The following SULT4A1 variants were observed in gnomAD, a reference collection of about 807,000 sequenced individuals.
SULT4A1 encodes sulfotransferase family 4A member 1.
SULT4A1 carries 11 observed loss-of-function variants against 35.2 expected under a neutral mutation model. That is an observed-to-expected ratio of 0.31 (90% CI 0.20 to 0.52). The LOEUF (loss-of-function observed/expected upper bound fraction) is 0.52, where lower values mean the gene tolerates loss of function less well. SULT4A1 is among the 20% of genes least tolerant of loss of function. The pLI is 0.97. For missense variants in SULT4A1, 271 were observed against 383.7 expected (o/e 0.71, Z 2.45); for synonymous variants, 152 against 151.8 (o/e 1.00, Z -0.01).
rs1408673077 is a variant in SULT4A1, at chr22:43,841,900, C to A, written c.202G>T (p.Val68Leu). 1 of 1,613,784 alleles carries A rather than the reference C, an allele frequency of 6.2e-7. No individual in the cohort carries two copies. Among genetic ancestry groups the A allele is most frequent in the Non-Finnish European group, 8.5e-7 (1 of 1,179,788 alleles). Residue 68 changes from valine to leucine, a missense_variant, in exon 2 of 7, where the codon GTG becomes TTG. By Grantham distance (32) the Val-to-Leu change is conservative (BLOSUM62 1). Coordinates refer to ENST00000330884, the MANE Select transcript of SULT4A1 (RefSeq NM_014351.4). ...TSLLQEVVYLVSQGADPDEIG... is the reference protein window; with the variant it reads ...TSLLQEVVYLLSQGADPDEIG... ...TCATCGGGGTCAGCGCCCTGGCTCA[C>A]CAAGTAGACCACCTCCTGCAGCAAG...
intron 1 of SULT4A1, among the ~76,000 whole-genome samples, chr22:43,858,794 G>A (rs926811661): frequency 6.6e-6 from 1 of 151,958 alleles, no homozygotes; most frequent in Non-Finnish European, 1.5e-5. Flanking sequence ...CCAGCCCTTT[G>A]TCCTCCCTAG....
chr22:43,828,998 C>CAGAGA, intron 6 of SULT4A1, 62 bp downstream of exon 6: 1 of 1,462,512 alleles, frequency 6.8e-7, no homozygotes, highest in Non-Finnish European at 9.1e-7. Context: ...CCTAAGCAGG[C>CAGAGA]AGAGAAAGCA....
chr22:43,858,748 T>C (rs545805860), intron 1 of SULT4A1, among the ~76,000 whole-genome samples: 1 of 132,292 alleles, frequency 7.6e-6, no homozygotes, highest in South Asian at 2.5e-4. Flanking sequence ...TGTGGGTGGT[T>C]TCTCTCCAGG....
chr22:43,861,190 A>T (rs1189495907), intron 1 of SULT4A1, among the ~76,000 whole-genome samples: 1 of 152,174 alleles, frequency 6.6e-6, no homozygotes, highest in Non-Finnish European at 1.5e-5. Flanking sequence ...TCCTCAGAAG[A>T]ATGTCAGAGA....
chr22:43,826,039 T>A lies in SULT4A1; in HGVS notation c.817A>T (p.Met273Leu). 1 of 1,614,198 alleles carries A rather than the reference T, an allele frequency of 6.2e-7. No individual in the cohort carries two copies. The highest frequency in any genetic ancestry group is 8.5e-7 in the Non-Finnish European group (1 of 1,180,034). Residue 273 changes from methionine to leucine, a missense_variant, in exon 7 of 7, where the codon ATG becomes TTG. Transcript: ENST00000330884. ...EKFDLVYKQK[M>L]GKCDLTFDFY... ...TCAAACGTGAGGTCACACTTTCCCA[T>A]CTTCTGTTTATACACCAAGTCAAAC...
At chr22:43,857,190 G>A (rs138299347) in intron 1 of SULT4A1, among the ~76,000 whole-genome samples, 1 of 152,140 alleles carries the variant, frequency 6.6e-6, no homozygotes, top group African/African-American at 2.4e-5. Context: ...GCAGAAGAAA[G>A]GAGCAGTTAG....
chr22:43,840,059 G>T, intron 2 of SULT4A1, 34 bp from the exon 3 acceptor site: 1 of 1,540,116 alleles, frequency 6.5e-7, no homozygotes, highest in Non-Finnish European at 8.8e-7. Flanking sequence ...CAGGTCAGAG[G>T]AAAGGGTGAG....
chr22:43,852,018 T>A (rs1340630334), intron 1 of SULT4A1, among the ~76,000 whole-genome samples: 1 of 152,156 alleles, frequency 6.6e-6, no homozygotes, highest in Non-Finnish European at 1.5e-5. Flanking sequence ...TTCAGAGCTT[T>A]CTATCCCTTT....
intron 1 of SULT4A1, among the ~76,000 whole-genome samples, chr22:43,851,434 C>G (rs552270973): frequency 2.0e-5 from 3 of 152,260 alleles, no homozygotes; most frequent in South Asian, 2.1e-4. Context: ...GTTGGAGACT[C>G]GCTACCTGGT....
intron 5 of SULT4A1, among the ~76,000 whole-genome samples, chr22:43,829,520 T>C (rs1827124859): frequency 6.6e-6 from 1 of 152,236 alleles, no homozygotes; most frequent in South Asian, 2.1e-4. Flanking sequence ...ACATGGTTCT[T>C]GTGAGGAGCA....
At chr22:43,845,743 TG>T (rs1403846576) in intron 1 of SULT4A1, among the ~76,000 whole-genome samples, 1 of 152,162 alleles carries the variant, frequency 6.6e-6, no homozygotes, top group African/African-American at 2.4e-5. Context: ...GCCTGAGCTC[TG>T]CCTCCTGTCA....
In SULT4A1 at chr22:43,839,106, G is replaced by C. The variant is rs138759263; in HGVS notation, c.382-113C>G. The C allele has an allele frequency of 2.1e-4, 289 of 1,409,280 alleles. 1 individual carries two copies. The African/African-American group carries it at 3.9e-3, about 19-fold the overall frequency. The allele number at this position is 1,409,280 out of a possible 1,614,324, so 87.3% of individuals were successfully genotyped here. A position where few individuals can be genotyped will look rare whatever the true frequency, so the allele number is the denominator to read the frequency against. On this transcript the variant is annotated intron_variant, in intron 3 of 6. Coordinates refer to ENST00000330884, the MANE Select transcript of SULT4A1 (RefSeq NM_014351.4). ...TGGTGCACCTCACAAACCAACACCT[G>C]CTTCCAGCGTCCAGCTGGGGCCCAT... is the stretch of plus-strand genomic sequence containing the variant.
At chr22:43,838,014 C>G (rs909993555) in intron 4 of SULT4A1, among the ~76,000 whole-genome samples, 1 of 152,214 alleles carries the variant, frequency 6.6e-6, no homozygotes, top group South Asian at 2.1e-4. Context: ...TGACACATTT[C>G]AAAGCTCCTC....
At chr22:43,829,858 A>T (rs1014526408) in intron 5 of SULT4A1, among the ~76,000 whole-genome samples, 3 of 151,596 alleles carry the variant, frequency 2.0e-5, no homozygotes, top group Non-Finnish European at 4.4e-5. Flanking sequence ...CCTTGGTCCC[A>T]TTAGGAAGAT....
intron 4 of SULT4A1, 146 bp from the exon 5 acceptor site, chr22:43,833,880 G>C: frequency 1.5e-6 from 1 of 683,838 alleles, no homozygotes. Flanking sequence ...TCTGGCAAAG[G>C]CCCCCGAGGC....
chr22:43,834,155 T>C (rs925041611), intron 4 of SULT4A1, among the ~76,000 whole-genome samples: 1 of 152,138 alleles, frequency 6.6e-6, no homozygotes, highest in Non-Finnish European at 1.5e-5. Flanking sequence ...CACGGGGCCC[T>C]GCTGGGCAAG....
In SULT4A1 at chr22:43,824,682, G is replaced by C. The variant is rs776916802; in HGVS notation, c.*1319C>G. On this transcript the variant is annotated 3_prime_UTR_variant, in exon 7 of 7. Coordinates refer to ENST00000330884, the MANE Select transcript of SULT4A1 (RefSeq NM_014351.4). ...TGCCGAGCCCACCATGCGATGCCAC[G>C]TGCCACCTGCCTGGCCACGCTTCTC... 1 of 152,218 alleles carries C rather than the reference G, an allele frequency of 6.6e-6. No homozygotes were observed. Among genetic ancestry groups the C allele is most frequent in the Non-Finnish European group, 1.5e-5 (1 of 68,010 alleles). The allele number at this position is 152,218 out of a possible 1,614,324, so 9.4% of individuals were successfully genotyped here. A position where few individuals can be genotyped will look rare whatever the true frequency, so the allele number is the denominator to read the frequency against.
At chr22:43,827,615 G>C (rs765333745) in intron 6 of SULT4A1, 1 of 1,366,448 alleles carries the variant, frequency 7.3e-7, no homozygotes, top group Non-Finnish European at 9.8e-7. Context: ...AACTCAAGAA[G>C]ATCTTCCGAG....
intron 1 of SULT4A1, among the ~76,000 whole-genome samples, 191 bp from the exon 2 acceptor site, chr22:43,842,123 G>C (rs1274193444): frequency 6.6e-6 from 1 of 152,222 alleles, no homozygotes; most frequent in Non-Finnish European, 1.5e-5. Flanking sequence ...TCATGGGCCA[G>C]TCGGCTCTGA....
Sources: allele counts gnomAD v4.1 joint callset (sites outside exome capture counted in the v4.1 genomes callset), GRCh38; gene constraint gnomAD v4.1.1; transcripts MANE v1.5; gene names NCBI Gene and HGNC (gene_info 2026-07-23, HGNC 2026-07-21).